CNTRL: variants seen among roughly 807,000 people sequenced by gnomAD.
CNTRL encodes the protein centriolin.
CNTRL carries 233 observed loss-of-function variants against 303.7 expected under a neutral mutation model. The observed-to-expected ratio is 0.77, with a 90% CI of 0.69 to 0.86. The LOEUF is 0.86. Among genes scored for constraint, CNTRL ranks in the 40% least tolerant of loss-of-function variants. The pLI is 0.00. For missense variants in CNTRL, 2,524 were observed against 2,650.6 expected, an observed-to-expected ratio of 0.95 and a Z score of 1.05; for synonymous variants, 900 against 922.2, an observed-to-expected ratio of 0.98 and a Z score of 0.44.
chr9:121,135,256 A>G (rs2051119482), intron 14 of CNTRL, among the ~76,000 whole-genome samples: 1 of 152,196 alleles, frequency 6.6e-6, no homozygotes, highest in South Asian at 2.1e-4. Flanking sequence ...CTTCTGATAA[A>G]TGAACATGCT....
rs1465276036 is a variant in CNTRL at position 121,150,528 on chromosome 9, G to C, written c.3963+45G>C. 3.2e-6 allele frequency: 5 copies of C among 1,565,592 alleles called. No individual in the cohort carries two copies. In the South Asian group the frequency reaches 5.6e-5, roughly 18 times the overall value. ...ACTCTCTTTCCACACTGCTTCCATG[G>C]GTGACTGATAAGGTTATATACTTAA... On this transcript the variant is annotated intron_variant, in intron 25 of 43. Transcript: ENST00000373855.
In CNTRL at chr9:121,157,809, AAACAAAATTGTAGC is replaced by A. The variant is rs1564288603; in HGVS notation, c.4568_4581del (p.Asn1523SerfsTer34). On this transcript the variant is annotated frameshift_variant, in exon 29 of 44. Coordinates refer to ENST00000373855, the MANE Select transcript of CNTRL (RefSeq NM_007018.6). LOFTEE classifies it high-confidence loss of function. Reference sequence around the variant, plus strand: ...AGCAAGAAGAAATCTTGAAAGAAATAAACAAAATTGTAGCAGCAAAAGACTCAGACTTCCAATGT... The same window carrying A: ...AGCAAGAAGAAATCTTGAAAGAAATAAGCAAAAGACTCAGACTTCCAATGT... 6.2e-7 allele frequency: 1 copy of A among 1,614,202 alleles called. No individual in the cohort carries two copies. Among genetic ancestry groups the A allele is most frequent in the East Asian group, 2.2e-5 (1 of 44,890 alleles).
chr9:121,167,489 G>A lies in CNTRL; in HGVS notation c.5656G>A (p.Asp1886Asn). 1 of 1,611,352 alleles carries A rather than the reference G, an allele frequency of 6.2e-7. No individual in the cohort carries two copies. Among genetic ancestry groups the A allele is most frequent in the Non-Finnish European group, 8.5e-7 (1 of 1,178,952 alleles). ...VQDHLNLAKQ[D>N]LLHTTKHQDV... ...TTTCCACTTGTTCTTTCACCTAAAG[G>A]ACCTGCTTCACACCACCAAGCATCA... is the stretch of plus-strand genomic sequence containing the variant. Residue 1886 changes from aspartate (D) to asparagine (N), a missense_variant and splice_region_variant, in exon 37 of 44, where the codon GAC becomes AAC. By Grantham distance (23) the Asp-to-Asn change is conservative. Transcript: ENST00000373855.
chr9:121,128,939 A>T (rs2050696046), intron 14 of CNTRL, among the ~76,000 whole-genome samples: 1 of 152,140 alleles, frequency 6.6e-6, no homozygotes, highest in South Asian at 2.1e-4. Flanking sequence ...CAAAGATCAG[A>T]TGGTTGTAGA....
intron 8 of CNTRL, among the ~76,000 whole-genome samples, chr9:121,109,542 A>G (rs897126144): frequency 2.6e-5 from 4 of 151,170 alleles, no homozygotes; most frequent in African/African-American, 9.7e-5. Context: ...TGCTTTCACA[A>G]TTTTTGCTAT....
At chr9:121,097,782 T>G (rs1163735817) in intron 6 of CNTRL, among the ~76,000 whole-genome samples, 1 of 152,224 alleles carries the variant, frequency 6.6e-6, no homozygotes, top group Non-Finnish European at 1.5e-5. Flanking sequence ...TTTCTAATTT[T>G]GTATGATGTC....
At chr9:121,128,165 T>C (rs2050644538) in intron 14 of CNTRL, among the ~76,000 whole-genome samples, 1 of 152,216 alleles carries the variant, frequency 6.6e-6, no homozygotes, top group Non-Finnish European at 1.5e-5. Flanking sequence ...TACCCAGTAA[T>C]GGGATCGCTG....
chr9:121,131,286 A>G (rs1002526501), intron 14 of CNTRL, among the ~76,000 whole-genome samples: 6 of 152,132 alleles, frequency 3.9e-5, no homozygotes, highest in Non-Finnish European at 8.8e-5. Flanking sequence ...GTAGGTCTCT[A>G]AGGACTTGCT....
chr9:121,104,694 A>ATTTTTTTTTTTTTT (rs10693661), intron 7 of CNTRL, among the ~76,000 whole-genome samples: 1 of 96,450 alleles, frequency 1.0e-5, no homozygotes, highest in African/African-American at 3.9e-5. Context: ...GCCACTGGCA[A>ATTTTTTTTTTTTTT]TTTTTTTTTT....
At chr9:121,141,174 G>A (rs992419867) in intron 17 of CNTRL, among the ~76,000 whole-genome samples, 19 of 152,144 alleles carry the variant, frequency 1.2e-4, no homozygotes, top group African/African-American at 4.3e-4. Context: ...AATATTGTTA[G>A]CCTGATATGA....
In CNTRL at chr9:121,177,265, G is replaced by T; in HGVS notation, c.*79G>T. The T allele has an allele frequency of 8.0e-7, 1 of 1,253,724 alleles. No homozygotes were observed. 77.7% of individuals were successfully genotyped at this position (1,253,724 alleles called of 1,614,324 possible). ...GACTTCATAATTGGAATGTCACATGGTTTTTTTAATCAAGATGCAGTGAAC... is the reference window on the plus strand; with the variant it reads ...GACTTCATAATTGGAATGTCACATGTTTTTTTTAATCAAGATGCAGTGAAC... On this transcript the variant is annotated 3_prime_UTR_variant, in exon 44 of 44. Transcript: ENST00000373855.
At chr9:121,094,844 A>G in intron 4 of CNTRL, 44 bp from the exon 5 acceptor site, 1 of 1,409,078 alleles carries the variant, frequency 7.1e-7, no homozygotes, top group Non-Finnish European at 9.6e-7. Context: ...CTTTATGTCA[A>G]GTCATCTGTT....
At chr9:121,159,610 G>A (rs1272389665) in intron 31 of CNTRL, among the ~76,000 whole-genome samples, 4 of 152,014 alleles carry the variant, frequency 2.6e-5, no homozygotes, top group South Asian at 2.1e-4. Context: ...TCTTGAACCC[G>A]GGAGGCGGAG....
intron 43 of CNTRL, among the ~76,000 whole-genome samples, chr9:121,176,054 T>C (rs1245814825): frequency 6.6e-6 from 1 of 152,220 alleles, no homozygotes; most frequent in Non-Finnish European, 1.5e-5. Flanking sequence ...TGGTAAGTAG[T>C]AGCACACACA....
chr9:121,099,869 A>G (rs1342350249), intron 7 of CNTRL, among the ~76,000 whole-genome samples: 1 of 151,944 alleles, frequency 6.6e-6, no homozygotes. Flanking sequence ...AAAAAGAGTA[A>G]AAAAAAATGA....
At chr9:121,122,501 A>G (rs1405122318) in intron 12 of CNTRL, 1 of 598,408 alleles carries the variant, frequency 1.7e-6, no homozygotes, top group Non-Finnish European at 2.1e-6. Flanking sequence ...ATTGGTGTTC[A>G]TTTTTCTGAC....
intron 1 of CNTRL, among the ~76,000 whole-genome samples, chr9:121,075,391 T>C (rs1479832696): frequency 3.3e-5 from 5 of 151,922 alleles, no homozygotes; most frequent in Admixed American, 3.3e-4. Context: ...CCACCTGAGC[T>C]GAGGGGAGAG....
At chr9:121,091,051 T>C (rs1446285596) in intron 4 of CNTRL, among the ~76,000 whole-genome samples, 2 of 152,166 alleles carry the variant, frequency 1.3e-5, no homozygotes, top group Non-Finnish European at 2.9e-5. Flanking sequence ...ACGAGAACAG[T>C]AGGGGAAGGA....
chr9:121,145,682 G>T (rs1215927689), intron 22 of CNTRL, among the ~76,000 whole-genome samples: 1 of 152,124 alleles, frequency 6.6e-6, no homozygotes, highest in East Asian at 1.9e-4. Flanking sequence ...ATCGCTTGAG[G>T]TCAGGAGTTC....
Sources: gnomAD v4.1 joint callset for allele counts (sites outside exome capture counted in the v4.1 genomes callset) on GRCh38, gnomAD v4.1.1 for gene constraint, MANE v1.5 for transcripts, NCBI Gene and HGNC (gene_info 2026-07-23, HGNC 2026-07-21) for gene names.